ANKRD30A: variants seen among roughly 807,000 people sequenced by gnomAD.
ANKRD30A encodes the protein ankyrin repeat domain 30A.
Under a neutral mutation model 166.3 loss-of-function variants are expected in ANKRD30A, and 170 were observed. The ratio of observed to expected loss-of-function variants is 1.02; its 90% CI spans 0.90 to 1.16. The LOEUF (loss-of-function observed/expected upper bound fraction) is 1.16, where lower values mean the gene tolerates loss of function less well. Ranked by LOEUF, ANKRD30A falls within the 50% of genes most tolerant of loss-of-function variation. The pLI, the probability that ANKRD30A is intolerant of heterozygous loss-of-function variation, is 0.00. For missense variants in ANKRD30A, 1,630 were observed against 1,518.0 expected, an observed-to-expected ratio of 1.07 and a Z score of -1.23; for synonymous variants, 564 against 508.9, an observed-to-expected ratio of 1.11 and a Z score of -1.46.
At chr10:37,254,917 C>A in the ANKRD30A span, among the ~76,000 whole-genome samples, 5 of 152,118 alleles carry the variant, frequency 3.3e-5, no homozygotes, top group East Asian at 5.8e-4. Flanking sequence ...CTCTTGACCT[C>A]GTGATCTGCC....
intron 31 of ANKRD30A, among the ~76,000 whole-genome samples, chr10:37,204,499 TA>T (rs1318073641): frequency 6.6e-6 from 1 of 152,118 alleles, no homozygotes; most frequent in Non-Finnish European, 1.5e-5. Flanking sequence ...ATGTTAGACC[TA>T]AAACCATAAA....
At chr10:37,126,737 C>A (rs1836043385) in intron 1 of ANKRD30A, among the ~76,000 whole-genome samples, 1 of 152,016 alleles carries the variant, frequency 6.6e-6, no homozygotes, top group South Asian at 2.1e-4. Context: ...TTCTAGATAT[C>A]AAAATGTGGT....
At chr10:37,126,409 G>T (rs1366608703) in intron 1 of ANKRD30A, among the ~76,000 whole-genome samples, 1 of 152,212 alleles carries the variant, frequency 6.6e-6, no homozygotes, top group East Asian at 1.9e-4. Context: ...GGTGCGTAAT[G>T]AAATAATTCC....
chr10:37,255,429 T>G, the ANKRD30A span, among the ~76,000 whole-genome samples: 326 of 152,302 alleles, frequency 2.1e-3, 8 homozygotes, highest in East Asian at 0.047. Flanking sequence ...AAAAAATGGT[T>G]TTATGGTTTT....
rs1262621354 is a variant in ANKRD30A at position 37,142,013 on chromosome 10, T to A, written c.1116T>A (p.Phe372Leu). The A allele has an allele frequency of 6.2e-7, 1 of 1,613,842 alleles. No individual in the cohort carries two copies. The highest frequency in any genetic ancestry group is 8.5e-7 in the Non-Finnish European group (1 of 1,179,964). Residue 372 changes from phenylalanine (F) to leucine (L), a missense_variant, in exon 7 of 36, where the codon TTT becomes TTA. Phe to Leu is a conservative substitution (Grantham distance 22). Around this residue, in one of 4 missense-constraint regions of ANKRD30A, gnomAD observed 904 missense variants for 818.5 expected, o/e 1.10. Coordinates refer to ENST00000361713, the MANE Select transcript of ANKRD30A (RefSeq NM_052997.3). Reference protein sequence around the residue: ...TSPAKETSEKFTWPAKGRPRK... With the variant: ...TSPAKETSEKLTWPAKGRPRK... ...CTGCAAAAGAAACATCTGAGAAATT[T>A]ACGTGGCCAGCAAAAGGAAGACCTA...
chr10:37,157,754 C>G (rs1337121151), intron 13 of ANKRD30A, among the ~76,000 whole-genome samples: 1 of 151,866 alleles, frequency 6.6e-6, no homozygotes, highest in Admixed American at 6.6e-5. Context: ...ACTAGAGAAC[C>G]CTATGAATGT....
At chr10:37,228,811 A>G (rs1314104959) in intron 34 of ANKRD30A, among the ~76,000 whole-genome samples, 1 of 152,042 alleles carries the variant, frequency 6.6e-6, no homozygotes, top group Non-Finnish European at 1.5e-5. Flanking sequence ...TGTACTTTAA[A>G]GGTGACTAAT....
chr10:37,148,581 C>T (rs972795459), intron 9 of ANKRD30A, among the ~76,000 whole-genome samples: 3 of 152,004 alleles, frequency 2.0e-5, no homozygotes, highest in Non-Finnish European at 2.9e-5. Context: ...TCAGTGAACT[C>T]GCTTCAGATG....
intron 6 of ANKRD30A, among the ~76,000 whole-genome samples, chr10:37,141,193 A>G (rs1398449317): frequency 6.6e-6 from 1 of 152,098 alleles, no homozygotes; most frequent in African/African-American, 2.4e-5. Context: ...GGAAGCTTAT[A>G]ATTATTACTT....
At chr10:37,256,506 C>T in the ANKRD30A span, among the ~76,000 whole-genome samples, 2 of 152,208 alleles carry the variant, frequency 1.3e-5, no homozygotes, top group East Asian at 1.9e-4. Flanking sequence ...TGTCACTATA[C>T]TGCAAGCTCT....
chr10:37,161,321 A>G (rs1444953845), intron 15 of ANKRD30A, among the ~76,000 whole-genome samples: 3 of 152,212 alleles, frequency 2.0e-5, no homozygotes, highest in African/African-American at 7.2e-5. Context: ...GAAGAAGAAG[A>G]AAAAGATAAA....
intron 9 of ANKRD30A, among the ~76,000 whole-genome samples, chr10:37,149,234 A>C (rs1053633178): frequency 6.6e-6 from 1 of 152,146 alleles, no homozygotes; most frequent in South Asian, 2.1e-4. Flanking sequence ...TGAGATGTCA[A>C]TTCTACATTC....
chr10:37,201,748 T>C lies in ANKRD30A; in HGVS notation c.2869+423T>C, dbSNP rs760754647. ...GGAAGAATATAAAGTGACCTTCTAG[T>C]ACCAAAATTTACCAGAGAATTACAG... On this transcript the variant is annotated intron_variant, in intron 31 of 35. Coordinates refer to ENST00000361713, the MANE Select transcript of ANKRD30A (RefSeq NM_052997.3). Among the ~76,000 whole-genome samples, 7 of 152,142 alleles carry C rather than the reference T, an allele frequency of 4.6e-5. No homozygotes were observed. The East Asian group carries it at 1.2e-3, about 25-fold the overall frequency.
At chr10:37,221,477 A>G (rs1340498125) in intron 34 of ANKRD30A, among the ~76,000 whole-genome samples, 1 of 151,222 alleles carries the variant, frequency 6.6e-6, no homozygotes, top group Admixed American at 6.6e-5. Context: ...AAAGTCAAGT[A>G]TGCATTAAAT....
intron 1 of ANKRD30A, among the ~76,000 whole-genome samples, chr10:37,126,620 C>G (rs1223928070): frequency 6.6e-6 from 1 of 152,084 alleles, no homozygotes; most frequent in Non-Finnish European, 1.5e-5. Context: ...TTTACATAAA[C>G]CAAATAAAGT....
chr10:37,164,710 A>G (rs1316503711), intron 17 of ANKRD30A, among the ~76,000 whole-genome samples: 1 of 152,118 alleles, frequency 6.6e-6, no homozygotes, highest in Non-Finnish European at 1.5e-5. Context: ...TGAGTCAATC[A>G]ACGTAAGTAA....
the ANKRD30A span, chr10:37,262,333 C>T: frequency 1.3e-5 from 2 of 153,016 alleles, no homozygotes; most frequent in East Asian, 1.9e-4. Context: ...AAAACAACCC[C>T]TAGAGAGTTA....
Position 37,216,350 on chromosome 10 carries a change from A to G in ANKRD30A, c.3039A>G (p.Leu1013=). The G allele has an allele frequency of 6.2e-7, 1 of 1,607,620 alleles. No homozygotes were observed. Among genetic ancestry groups the G allele is most frequent in the Non-Finnish European group, 8.5e-7 (1 of 1,176,114 alleles). ...AAGCAAAAGAAATAAAATCACAGTT[A>G]GAGAACCAAAAAGTTAAATGGGAAC... ...LSEAKEIKSQ[L]ENQKVKWEQE... The change falls in exon 32 of 36, where the codon TTA becomes TTG. Residue 1013 remains leucine, a synonymous_variant. Coordinates refer to ENST00000361713, the MANE Select transcript of ANKRD30A (RefSeq NM_052997.3).
At chr10:37,235,500 T>C (rs1843631929), downstream of ANKRD30A, among the ~76,000 whole-genome samples, 1 of 152,190 alleles carries the variant, frequency 6.6e-6, no homozygotes, top group African/African-American at 2.4e-5. Context: ...GAGTACTCCT[T>C]AAAATAGAGA....
Sources: allele counts gnomAD v4.1 joint callset (sites outside exome capture counted in the v4.1 genomes callset), GRCh38; gene constraint gnomAD v4.1.1; regional missense constraint gnomAD v4.1.1; transcripts MANE v1.5; gene names NCBI Gene and HGNC (gene_info 2026-07-23, HGNC 2026-07-21).